The following BRD8 variants were observed in gnomAD, a reference collection of about 807,000 sequenced individuals.
BRD8 encodes the protein bromodomain containing 8, also known as bromodomain-containing protein 8.
BRD8 carries 67 observed loss-of-function variants against 143.1 expected under a neutral mutation model. The ratio of observed to expected loss-of-function variants is 0.47; its 90% confidence interval spans 0.38 to 0.57. The LOEUF (loss-of-function observed/expected upper bound fraction) is 0.57. BRD8 is among the 20% of genes least tolerant of loss of function. The pLI is 0.00. For missense variants in BRD8, 1,103 were observed against 1,503.0 expected (o/e 0.73, Z 4.40); for synonymous variants, 505 against 517.1 (o/e 0.98, Z 0.32).
intron 10 of BRD8, 178 bp from the exon 11 acceptor site, chr5:138,166,286 A>G (rs1753416233): frequency 1.6e-6 from 1 of 628,784 alleles, no homozygotes; most frequent in Admixed American, 2.9e-5. Context: ...GTGAGAACAT[A>G]TTTTCAAGCC....
At position 138,162,119 on chromosome 5, in the gene BRD8, A is replaced by G; in HGVS notation, c.2115T>C (p.Ala705=). ...TCTTCCAAATTTTCTGTGCCTGAATAGCTTCCTGATCCTCACTACAGACAG... is the reference window on the plus strand; with the variant it reads ...TCTTCCAAATTTTCTGTGCCTGAATGGCTTCCTGATCCTCACTACAGACAG... ...QFSVCSEDQE[A]IQAQKIWKKA... Residue 705 remains alanine, a synonymous_variant, in exon 16 of 27, where the codon GCT becomes GCC. Transcript: ENST00000254900. 6.2e-7 allele frequency: 1 copy of G among 1,614,020 alleles called. No individual in the cohort carries two copies. Among genetic ancestry groups the G allele is most frequent in the Non-Finnish European group, 8.5e-7 (1 of 1,179,956 alleles).
intron 19 of BRD8, 38 bp downstream of exon 19, chr5:138,160,030 TG>T (rs769378132): frequency 6.6e-7 from 1 of 1,510,188 alleles, no homozygotes. Flanking sequence ...CTTCTACTAC[TG>T]GAACACTGGC....
At chr5:138,158,532 G>A (rs1752760125) in intron 20 of BRD8, among the ~76,000 whole-genome samples, 1 of 151,398 alleles carries the variant, frequency 6.6e-6, no homozygotes, top group Admixed American at 6.6e-5. Context: ...TCCGCCTCCT[G>A]GGTTCAAGCG....
intron 20 of BRD8, among the ~76,000 whole-genome samples, chr5:138,155,999 C>T (rs1000256846): frequency 3.3e-5 from 5 of 151,182 alleles, no homozygotes; most frequent in African/African-American, 4.9e-5. Flanking sequence ...CACAGCTTCC[C>T]GAGTAGCTGG....
chr5:138,149,494 TG>T (rs1312559454), intron 23 of BRD8, 145 bp downstream of exon 23: 11 of 618,190 alleles, frequency 1.8e-5, no homozygotes, highest in Admixed American at 1.5e-4. Context: ...ATTTATATGA[TG>T]TTAAAATTAT....
intron 2 of BRD8, chr5:138,172,664 A>C (rs13165669): frequency 4.1e-6 from 1 of 243,742 alleles, no homozygotes; most frequent in Non-Finnish European, 7.3e-6. Flanking sequence ...TCCCATCCCT[A>C]CAAAAAAAAA....
chr5:138,173,242 AC>A (rs1326342216), intron 2 of BRD8, among the ~76,000 whole-genome samples: 1 of 152,060 alleles, frequency 6.6e-6, no homozygotes, highest in Non-Finnish European at 1.5e-5. Flanking sequence ...TACTAAAAAT[AC>A]AAAAATTAGC....
At chr5:138,163,006 A>G in intron 15 of BRD8, 124 bp downstream of exon 15, 1 of 841,600 alleles carries the variant, frequency 1.2e-6, no homozygotes, top group South Asian at 1.8e-5. Flanking sequence ...AAAGAGAAGG[A>G]AAGGAAAGGA....
chr5:138,164,408 G>C lies in BRD8; in HGVS notation c.1737C>G (p.Ser579=), dbSNP rs2151202200. 2 of 1,613,826 alleles carry C rather than the reference G, an allele frequency of 1.2e-6. No homozygotes were observed. Among genetic ancestry groups the C allele is most frequent in the Admixed American group, 1.7e-5 (1 of 60,000 alleles). The part of the protein sequence containing the change: ...TPLTNVKTEA[S]PESMLSPSHG... Reference sequence around the variant, plus strand: ...GTGATGGAGACAACATGCTTTCAGGGGATGCCTGAAAACCAGAAAAGAAAA... The same window carrying C: ...GTGATGGAGACAACATGCTTTCAGGCGATGCCTGAAAACCAGAAAAGAAAA... Residue 579 remains serine, a synonymous_variant, in exon 13 of 27, where the codon TCC becomes TCG. Coordinates refer to ENST00000254900, the MANE Select transcript of BRD8 (RefSeq NM_139199.2).
intron 20 of BRD8, among the ~76,000 whole-genome samples, chr5:138,158,797 G>A (rs1001630142): frequency 1.4e-5 from 2 of 144,208 alleles, no homozygotes; most frequent in Non-Finnish European, 3.0e-5. Flanking sequence ...ACAAGGTCTC[G>A]CTCTGTCACC....
chr5:138,143,733 G>C (rs113699821), intron 25 of BRD8, among the ~76,000 whole-genome samples: 12,046 of 152,056 alleles, frequency 0.079, 639 homozygotes, highest in Non-Finnish European at 0.11. Flanking sequence ...TCTAGCTAAA[G>C]CTTTGTAAAT....
chr5:138,163,003 A>G (rs1172504088), intron 15 of BRD8, 127 bp downstream of exon 15: 5 of 812,616 alleles, frequency 6.2e-6, no homozygotes, highest in Non-Finnish European at 7.6e-6. Context: ...AAAAAAGAGA[A>G]GGAAAGGAAA....
intron 2 of BRD8, among the ~76,000 whole-genome samples, chr5:138,174,889 GTT>G (rs1168055000): frequency 1.2e-4 from 17 of 137,376 alleles, no homozygotes; most frequent in Admixed American, 1.5e-4. Context: ...ATAAACTCAA[GTT>G]TTTTTTTTTT....
At chr5:138,169,678 G>A (rs1005072939) in intron 7 of BRD8, among the ~76,000 whole-genome samples, 2 of 152,164 alleles carry the variant, frequency 1.3e-5, no homozygotes, top group African/African-American at 4.8e-5. Context: ...CTGCTTTTAA[G>A]AACAGGAAGG....
chr5:138,166,938 C>T (rs1201635963), intron 9 of BRD8: 2 of 489,112 alleles, frequency 4.1e-6, no homozygotes, highest in Non-Finnish European at 7.4e-6. Flanking sequence ...CTAGAACACA[C>T]AACATATATA....
At chr5:138,156,360 G>A (rs531935725) in intron 20 of BRD8, among the ~76,000 whole-genome samples, 2 of 151,972 alleles carry the variant, frequency 1.3e-5, no homozygotes, top group East Asian at 1.9e-4. Flanking sequence ...GGCTGGTCTC[G>A]AACTCCTGAC....
intron 22 of BRD8, among the ~76,000 whole-genome samples, chr5:138,150,542 A>G (rs1174380455): frequency 6.6e-6 from 1 of 150,866 alleles, no homozygotes; most frequent in South Asian, 2.1e-4. Flanking sequence ...ATAGGGTGCT[A>G]TTATTGCATT....
chr5:138,163,191 C>T lies in BRD8; in HGVS notation c.2026G>A (p.Ala676Thr), dbSNP rs772884069. 6.2e-7 allele frequency: 1 copy of T among 1,614,066 alleles called. No individual in the cohort carries two copies. Among genetic ancestry groups the T allele is most frequent in the South Asian group, 1.1e-5 (1 of 91,072 alleles). Residue 676 changes from alanine to threonine, a missense_variant, in exon 15 of 27, where the codon GCT becomes ACT. Coordinates refer to ENST00000254900, the MANE Select transcript of BRD8 (RefSeq NM_139199.2). ...ESDDGFSIHN[A>T]TLQSHTLADS... ...GCCAGTGTGTGTGACTGCAGTGTAG[C>T]ATTGTGTATGCTGAAGCCATCATCA...
rs149330432 is a variant in BRD8, at chr5:138,170,701, T to C, written c.440+131A>G. 1.1e-3 allele frequency: 972 copies of C among 875,268 alleles called. 8 individuals are homozygous for C. The African/African-American group carries it at 0.013, about 12-fold the overall frequency. The allele number at this position is 875,268 out of a possible 1,614,324, so 54.2% of individuals were successfully genotyped here. A position where few individuals can be genotyped will look rare whatever the true frequency, so the allele number is the denominator to read the frequency against. ...CCCCCCTCCCAGCCACCAAACCACT[T>C]TGCAGCTTTCCCCTTCCAGAATCTG... On this transcript the variant is annotated intron_variant, in intron 6 of 26. Coordinates refer to ENST00000254900, the MANE Select transcript of BRD8 (RefSeq NM_139199.2).
Sources: allele counts gnomAD v4.1 joint callset (sites outside exome capture counted in the v4.1 genomes callset), GRCh38; gene constraint gnomAD v4.1.1; transcripts MANE v1.5; gene names NCBI Gene and HGNC (gene_info 2026-07-23, HGNC 2026-07-21).